Variants in AMPD2 observed in about 807,000 individuals in gnomAD.
AMPD2 encodes the protein AMP deaminase 2.
A neutral mutation model predicts 91.3 loss-of-function variants in AMPD2; 52 were observed. The ratio of observed to expected loss-of-function variants is 0.57; its 90% CI spans 0.46 to 0.72. The LOEUF (loss-of-function observed/expected upper bound fraction) is 0.72, where lower values mean the gene tolerates loss of function less well. Ranked by LOEUF, AMPD2 falls within the 30% of genes least tolerant of loss-of-function variation. AMPD2 has a pLI of 0.00. For missense variants in AMPD2, 822 were observed against 1,122.3 expected, an observed-to-expected ratio of 0.73 and a Z score of 3.82; for synonymous variants, 455 against 456.4, an observed-to-expected ratio of 1.00 and a Z score of 0.04.
chr1:109,625,196 T>C lies in AMPD2; in HGVS notation c.92-107T>C. ...CAGCTACTGAGGAGGGACTGCCCTCTTTCCCGACCCTGGGCTCTCTCGGGA... is the reference window on the plus strand; with the variant it reads ...CAGCTACTGAGGAGGGACTGCCCTCCTTCCCGACCCTGGGCTCTCTCGGGA... On this transcript the variant is annotated intron_variant, in intron 2 of 18. Coordinates refer to ENST00000528667, the MANE Select transcript of AMPD2 (RefSeq NM_001368809.2). This position sits in a 1 kb window ranked among gnomAD's most constrained non-coding sequence, Gnocchi z 4.0. 1.3e-6 allele frequency: 2 copies of C among 1,488,822 alleles called. No homozygotes were observed. The highest frequency in any genetic ancestry group is 1.3e-5 in the South Asian group (1 of 77,884). The allele number at this position is 1,488,822 out of a possible 1,614,324, so 92.2% of individuals were successfully genotyped here. A position where few individuals can be genotyped will look rare whatever the true frequency, so the allele number is the denominator to read the frequency against.
At position 109,624,829 on chromosome 1, in the gene AMPD2, G is replaced by A. The variant is rs559770631; in HGVS notation, c.92-474G>A. ...GTGGAGAATCTGCTAGTCCAGGGGC[G>A]GGTCTGATCCTGGGTTGCCTGCCCT... On this transcript the variant is annotated intron_variant, in intron 2 of 18. Coordinates refer to ENST00000528667, the MANE Select transcript of AMPD2 (RefSeq NM_001368809.2). The surrounding 1 kb of genome is among the most constrained non-coding windows in gnomAD (Gnocchi z 5.2). Among the ~76,000 whole-genome samples the A allele has an allele frequency of 2.0e-5, 3 of 152,254 alleles. No homozygotes were observed. Among genetic ancestry groups the A allele is most frequent in the East Asian group, 1.9e-4 (1 of 5,158 alleles).
In AMPD2 at chr1:109,625,736, T is replaced by A; in HGVS notation, c.297T>A (p.Ile99=). ...APYEFPEESP[I]EQLEERRQRL... is the part of the protein sequence containing the mutation. ...ATGAGTTCCCCGAGGAGAGCCCCAT[T>A]GAACAGCTGGAGGAGCGGCGGCAGC... is the stretch of plus-strand genomic sequence containing the variant. The change falls in exon 4 of 19, where the codon ATT becomes ATA. Residue 99 remains isoleucine, a synonymous_variant. Coordinates refer to ENST00000528667, the MANE Select transcript of AMPD2 (RefSeq NM_001368809.2). The surrounding 1 kb of genome is among the most constrained non-coding windows in gnomAD (Gnocchi z 4.0). The A allele has an allele frequency of 1.9e-6, 3 of 1,614,058 alleles. No individual in the cohort carries two copies. The highest frequency in any genetic ancestry group is 2.5e-6 in the Non-Finnish European group (3 of 1,179,982).
In AMPD2 at chr1:109,620,146, G is replaced by T; in HGVS notation, c.-395G>T. The T allele has an allele frequency of 7.2e-7, 1 of 1,380,816 alleles. No individual in the cohort carries two copies. Among genetic ancestry groups the T allele is most frequent in the South Asian group, 1.2e-5 (1 of 86,012 alleles). 85.5% of individuals were successfully genotyped at this position (1,380,816 alleles called of 1,614,324 possible). On this transcript the variant is annotated 5_prime_UTR_variant, in exon 1 of 19. Transcript: ENST00000528667. ...CTTACTTTCCCCATCTCAGTGCCAG[G>T]GCAGGGGCCCTTGGAGTGACTTGGC...
At chr1:109,630,101 C>G in intron 16 of AMPD2, 132 bp from the exon 17 acceptor site, 4 of 1,331,066 alleles carry the variant, frequency 3.0e-6, no homozygotes, top group Non-Finnish European at 4.2e-6. Flanking sequence ...GACTAATTCA[C>G]CCTTTGCACA....
intron 1 of AMPD2, chr1:109,620,702 T>G (rs1650172878): frequency 1.7e-6 from 2 of 1,211,690 alleles, no homozygotes; most frequent in Admixed American, 4.1e-5. Flanking sequence ...GGGAGGACTG[T>G]GTTTGAGCTT....
Position 109,631,225 on chromosome 1 carries a change from T to A in AMPD2, c.*73T>A. 1.5e-6 allele frequency: 2 copies of A among 1,373,144 alleles called. No homozygotes were observed. Among genetic ancestry groups the A allele is most frequent in the Non-Finnish European group, 2.0e-6 (2 of 986,432 alleles). The allele number at this position is 1,373,144 out of a possible 1,614,324, so 85.1% of individuals were successfully genotyped here. On this transcript the variant is annotated 3_prime_UTR_variant, in exon 19 of 19. Coordinates refer to ENST00000528667, the MANE Select transcript of AMPD2 (RefSeq NM_001368809.2). Reference sequence around the variant, plus strand: ...TTGTCCTCAGACCCCGCCCATGCTGTGTGGTCTCTGCATGTCTCCATTCTT... The same window carrying A: ...TTGTCCTCAGACCCCGCCCATGCTGAGTGGTCTCTGCATGTCTCCATTCTT...
Position 109,629,384 on chromosome 1 carries a change from C to A in AMPD2, c.1756C>A (p.Leu586Met). 1 of 1,614,142 alleles carries A rather than the reference C, an allele frequency of 6.2e-7. No homozygotes were observed. The highest frequency in any genetic ancestry group is 1.6e-4 in the Middle Eastern group (1 of 6,062). The change falls in exon 15 of 19, where the codon CTG becomes ATG. Residue 586 changes from leucine (L) to methionine (M), a missense_variant. By Grantham distance (15) the Leu-to-Met change is conservative. This residue lies in a region of AMPD2 where 430 missense variants were observed against 606.0 expected (regional missense o/e 0.71). Transcript: ENST00000528667. The part of the protein sequence containing the change: ...ESKPENHVFN[L>M]ESPLPEAWVE... ...CAAGCCTGAAAACCATGTCTTCAAC[C>A]TGGAGAGCCCCCTGCCTGAGGCGTG...
Position 109,626,199 on chromosome 1 carries a change from C to T in AMPD2, c.393C>T (p.Phe131=). Residue 131 remains phenylalanine (F), a synonymous_variant, in exon 5 of 19, where the codon TTC becomes TTT. Transcript: ENST00000528667. ...TCCTGCTTCGGGCCAAGCAAGATTT[C>T]CTGAAGACGGACAGTGACTCGGACC... ...PDILLRAKQD[F]LKTDSDSDLQ... is the part of the protein sequence containing the mutation. 6.2e-7 allele frequency: 1 copy of T among 1,614,182 alleles called. No homozygotes were observed. Among genetic ancestry groups the T allele is most frequent in the South Asian group, 1.1e-5 (1 of 91,076 alleles).
In AMPD2 at chr1:109,628,244, C is replaced by T. The variant is rs114727970; in HGVS notation, c.1242C>T (p.Tyr414=). 8,091 of 1,613,894 alleles carry T rather than the reference C, an allele frequency of 5.0e-3. 23 individuals carry two copies. Among genetic ancestry groups the T allele is most frequent in the Non-Finnish European group, 6.4e-3 (7,538 of 1,179,952 alleles). Residue 414 remains tyrosine (Y), a synonymous_variant, in exon 11 of 19, where the codon TAC becomes TAT. Coordinates refer to ENST00000528667, the MANE Select transcript of AMPD2 (RefSeq NM_001368809.2). The surrounding 1 kb of genome is among the most constrained non-coding windows in gnomAD (Gnocchi z 7.1). ...TTGAGAGCATGAATCTCACGGCCTACGACCTGAGTGTGGACACGCTGGATG... is the reference window on the plus strand; with the variant it reads ...TTGAGAGCATGAATCTCACGGCCTATGACCTGAGTGTGGACACGCTGGATG... ...EVFESMNLTA[Y]DLSVDTLDVH...
rs1000836670 is a variant in AMPD2 at position 109,628,005 on chromosome 1, G to C, written c.1081-78G>C. On this transcript the variant is annotated intron_variant, in intron 10 of 18. Coordinates refer to ENST00000528667, the MANE Select transcript of AMPD2 (RefSeq NM_001368809.2). This position sits in a 1 kb window ranked among gnomAD's most constrained non-coding sequence, Gnocchi z 7.1. ...CCCCACACAGCATCCAGTACAGAGG[G>C]TCCTTTCCCATTGCACTGCCCCAGG... The C allele has an allele frequency of 1.3e-6, 2 of 1,598,208 alleles. No homozygotes were observed. The highest frequency in any genetic ancestry group is 2.7e-5 in the African/African-American group (2 of 74,772).
chr1:109,629,864 T>C lies in AMPD2; in HGVS notation c.1931T>C (p.Val644Ala), dbSNP rs1350463366. The C allele has an allele frequency of 6.2e-7, 1 of 1,612,512 alleles. No homozygotes were observed. The highest frequency in any genetic ancestry group is 8.5e-7 in the Non-Finnish European group (1 of 1,179,076). The change falls in exon 16 of 19, where the codon GTG becomes GCG. Residue 644 changes from valine (V) to alanine (A), a missense_variant. Around this residue, in one of 5 missense-constraint regions of AMPD2, gnomAD observed 430 missense variants for 606.0 expected, o/e 0.71. Transcript: ENST00000528667. Reference sequence around the variant, plus strand: ...GAGGCTGGGCCCATCCACCACCTGGTGTCAGCCTTCATGCTGGCTGAGAAC... The same window carrying C: ...GAGGCTGGGCCCATCCACCACCTGGCGTCAGCCTTCATGCTGGCTGAGAAC... ...CGEAGPIHHL[V>A]SAFMLAENIS...
At chr1:109,629,715 C>A in intron 15 of AMPD2, 81 bp from the exon 16 acceptor site, 4 of 1,443,458 alleles carry the variant, frequency 2.8e-6, no homozygotes, top group Non-Finnish European at 3.6e-6. Context: ...AGGACATATG[C>A]GTGCTGGGTG....
In AMPD2 at chr1:109,628,430, C is replaced by T; in HGVS notation, c.1342C>T (p.Leu448Phe). The T allele has an allele frequency of 6.2e-7, 1 of 1,613,816 alleles. No individual in the cohort carries two copies. The highest frequency in any genetic ancestry group is 8.5e-7 in the Non-Finnish European group (1 of 1,180,028). Residue 448 changes from leucine (L) to phenylalanine (F), a missense_variant, in exon 12 of 19, where the codon CTC (leucine) becomes TTC (phenylalanine). Coordinates refer to ENST00000528667, the MANE Select transcript of AMPD2 (RefSeq NM_001368809.2). The surrounding 1 kb of genome is among the most constrained non-coding windows in gnomAD (Gnocchi z 7.1). ...ATACAACCCTATTGGGGAGTCCGTCCTCCGAGAGATCTTCATCAAGACGGA... is the reference window on the plus strand; with the variant it reads ...ATACAACCCTATTGGGGAGTCCGTCTTCCGAGAGATCTTCATCAAGACGGA... ...AKYNPIGESVLREIFIKTDNR... is the reference protein window; with the variant it reads ...AKYNPIGESVFREIFIKTDNR...
In AMPD2 at chr1:109,628,335, G is replaced by C; in HGVS notation, c.1276-29G>C. On this transcript the variant is annotated intron_variant, in intron 11 of 18. Coordinates refer to ENST00000528667, the MANE Select transcript of AMPD2 (RefSeq NM_001368809.2). The surrounding 1 kb of genome is among the most constrained non-coding windows in gnomAD (Gnocchi z 7.1). ...GTCAGTCAGGGGACCAGGAGTCACG[G>C]GTGACCTGAGCCTTCCCATGTCCCC... 6.2e-7 allele frequency: 1 copy of C among 1,613,730 alleles called. No homozygotes were observed. Among genetic ancestry groups the C allele is most frequent in the East Asian group, 2.2e-5 (1 of 44,874 alleles).
chr1:109,626,252 G>A, intron 5 of AMPD2, 24 bp downstream of exon 5: 1 of 1,613,572 alleles, frequency 6.2e-7, no homozygotes. Context: ...AGGGGCACAG[G>A]GGATGCGGAG....
In AMPD2 at chr1:109,630,803, C is replaced by T. The variant is rs368736094; in HGVS notation, c.2268+10C>T. 2.1e-4 allele frequency: 336 copies of T among 1,602,226 alleles called. No homozygotes were observed. Among genetic ancestry groups the T allele is most frequent in the African/African-American group, 3.3e-4 (25 of 74,742 alleles). On this transcript the variant is annotated intron_variant, in intron 18 of 18. Coordinates refer to ENST00000528667, the MANE Select transcript of AMPD2 (RefSeq NM_001368809.2). ...CGGCTTCTCGCACAAGGTACTACAG[C>T]GCCTGCCTGGACCTTGGCATGGCAT... is the stretch of plus-strand genomic sequence containing the variant.
At chr1:109,623,785 C>T in intron 2 of AMPD2, 1 of 154,346 alleles carries the variant, frequency 6.5e-6, no homozygotes, top group Non-Finnish European at 1.4e-5. Context: ...CCCAAGTCAG[C>T]CTACCCTGCT....
chr1:109,625,257 G>T lies in AMPD2; in HGVS notation c.92-46G>T, dbSNP rs536793975. 2.5e-6 allele frequency: 4 copies of T among 1,599,872 alleles called. No homozygotes were observed. Among genetic ancestry groups the T allele is most frequent in the South Asian group, 1.1e-5 (1 of 89,930 alleles). On this transcript the variant is annotated intron_variant, in intron 2 of 18. Coordinates refer to ENST00000528667, the MANE Select transcript of AMPD2 (RefSeq NM_001368809.2). This position sits in a 1 kb window ranked among gnomAD's most constrained non-coding sequence, Gnocchi z 4.0. ...GCAGGGCAGGGGCCCAGGGCTTTCA[G>T]GGGCTGCCCCTCCACCCTTTGACCC...
intron 1 of AMPD2, chr1:109,620,595 C>A (rs1570573539): frequency 8.1e-7 from 1 of 1,228,244 alleles, no homozygotes; most frequent in South Asian, 2.2e-5. Flanking sequence ...CTCGGTTCTT[C>A]CCCCTCCTCC....
Sources: allele counts gnomAD v4.1 joint callset (sites outside exome capture counted in the v4.1 genomes callset), GRCh38; gene constraint gnomAD v4.1.1; regional missense constraint gnomAD v4.1.1; non-coding constraint Gnocchi (gnomAD v3.1); transcripts MANE v1.5; gene names NCBI Gene and HGNC (gene_info 2026-07-23, HGNC 2026-07-21).